FNDC3B: variants seen among roughly 807,000 people sequenced by gnomAD.
FNDC3B encodes fibronectin type III domain-containing protein 3B.
A neutral mutation model predicts 151.5 loss-of-function variants in FNDC3B; 12 were observed. The observed-to-expected ratio is 0.08, with a 90% CI of 0.05 to 0.13. FNDC3B has a LOEUF of 0.13. Ranked by LOEUF, FNDC3B falls within the 10% of genes least tolerant of loss-of-function variation. The probability of loss-of-function intolerance (pLI) is 1.00; values close to 1 mark genes in which losing one functional copy is unlikely to be tolerated. For synonymous variants in FNDC3B, 528 were observed against 549.0 expected (o/e 0.96, Z 0.54); for missense variants, 1,214 against 1,505.3 (o/e 0.81, Z 3.20).
intron 3 of FNDC3B, among the ~76,000 whole-genome samples, chr3:172,207,355 A>G (rs1560018247): frequency 6.6e-6 from 1 of 152,178 alleles, no homozygotes; most frequent in African/African-American, 2.4e-5. Context: ...TAAAAATACA[A>G]TGGGTATCAA....
At chr3:172,156,391 A>G (rs1722486014) in intron 3 of FNDC3B, among the ~76,000 whole-genome samples, 1 of 152,210 alleles carries the variant, frequency 6.6e-6, no homozygotes, top group African/African-American at 2.4e-5. Flanking sequence ...ATCGGCTCCA[A>G]GTGGCCATTC....
intron 7 of FNDC3B, among the ~76,000 whole-genome samples, chr3:172,288,911 G>A (rs1730167718): frequency 6.6e-6 from 1 of 152,226 alleles, no homozygotes; most frequent in African/African-American, 2.4e-5. Context: ...AGGCATATCA[G>A]ACAAGGGGAG....
At chr3:172,081,641 A>G (rs1718285023) in intron 1 of FNDC3B, among the ~76,000 whole-genome samples, 1 of 152,218 alleles carries the variant, frequency 6.6e-6, no homozygotes, top group Non-Finnish European at 1.5e-5. Context: ...AATATGCTGA[A>G]TACACTTTTG....
intron 3 of FNDC3B, among the ~76,000 whole-genome samples, chr3:172,200,598 G>A (rs1725097073): frequency 6.6e-6 from 1 of 152,216 alleles, no homozygotes; most frequent in Non-Finnish European, 1.5e-5. Context: ...GCTAATGTAA[G>A]TGTTCTGAGT....
intron 1 of FNDC3B, among the ~76,000 whole-genome samples, chr3:172,073,601 G>A (rs776794222): frequency 4.6e-5 from 7 of 152,170 alleles, no homozygotes; most frequent in Non-Finnish European, 7.4e-5. Context: ...GAAATAAAAG[G>A]TAGTTGTGAT....
At chr3:172,270,884 G>C (rs1729168241) in intron 6 of FNDC3B, among the ~76,000 whole-genome samples, 1 of 152,250 alleles carries the variant, frequency 6.6e-6, no homozygotes, top group African/African-American at 2.4e-5. Context: ...AGAGTTACCA[G>C]ATAGTTCATT....
chr3:172,341,628 A>AT (rs1179157099), intron 17 of FNDC3B, among the ~76,000 whole-genome samples: 3 of 152,238 alleles, frequency 2.0e-5, no homozygotes, highest in African/African-American at 7.2e-5. Flanking sequence ...ACATCTATCA[A>AT]TTTTAAGAAT....
intron 8 of FNDC3B, among the ~76,000 whole-genome samples, chr3:172,297,673 A>G (rs1042755833): frequency 2.6e-5 from 4 of 151,914 alleles, no homozygotes; most frequent in Non-Finnish European, 5.9e-5. Flanking sequence ...ACGGGGTTTC[A>G]CCGTGTTAGC....
intron 7 of FNDC3B, among the ~76,000 whole-genome samples, chr3:172,291,885 A>G (rs1576879921): frequency 6.6e-6 from 1 of 152,290 alleles, no homozygotes; most frequent in African/African-American, 2.4e-5. Flanking sequence ...TGTGAAGGTC[A>G]TATATGAGTG....
chr3:172,187,367 A>G (rs1479120512), intron 3 of FNDC3B: 1 of 152,216 alleles, frequency 6.6e-6, no homozygotes, highest in East Asian at 1.9e-4. Context: ...ATCTGTATTG[A>G]CCATGGCTGA....
chr3:172,383,503 G>A (rs1386240633), intron 25 of FNDC3B, among the ~76,000 whole-genome samples: 1 of 152,184 alleles, frequency 6.6e-6, no homozygotes, highest in Non-Finnish European at 1.5e-5. Context: ...CATAGGCCCT[G>A]GAGGCCTGTG....
chr3:172,062,564 G>A (rs781083104), intron 1 of FNDC3B, among the ~76,000 whole-genome samples: 1 of 152,060 alleles, frequency 6.6e-6, no homozygotes, highest in African/African-American at 2.4e-5. Context: ...GATTACAGGC[G>A]TGAGCCACCG....
intron 3 of FNDC3B, among the ~76,000 whole-genome samples, chr3:172,163,049 G>T (rs1722853462): frequency 6.6e-6 from 1 of 152,192 alleles, no homozygotes; most frequent in African/African-American, 2.4e-5. Flanking sequence ...GAGGCAGGAA[G>T]ATTGCTTGAA....
At chr3:172,096,630 A>G (rs57527290) in intron 1 of FNDC3B, among the ~76,000 whole-genome samples, 8,222 of 149,226 alleles carry the variant, frequency 0.055, 314 homozygotes, top group East Asian at 0.19. Flanking sequence ...TATCAAAAAT[A>G]AAAAAATAGG....
intron 3 of FNDC3B, among the ~76,000 whole-genome samples, chr3:172,181,340 G>A (rs1723878589): frequency 7.6e-6 from 1 of 130,970 alleles, no homozygotes; most frequent in Non-Finnish European, 1.5e-5. Flanking sequence ...GGTGCAGTGA[G>A]CTATGATTAC....
At chr3:172,386,468 C>T (rs991057215) in intron 25 of FNDC3B, among the ~76,000 whole-genome samples, 6 of 152,136 alleles carry the variant, frequency 3.9e-5, no homozygotes, top group African/African-American at 7.2e-5. Flanking sequence ...CTGGGCTGGG[C>T]GCGGTGGCTT....
chr3:172,243,038 T>C (rs1727580558), intron 4 of FNDC3B, among the ~76,000 whole-genome samples: 1 of 152,148 alleles, frequency 6.6e-6, no homozygotes, highest in African/African-American at 2.4e-5. Flanking sequence ...ATGCTGCCAC[T>C]CCCTTTGCTA....
chr3:172,240,748 G>C (rs1339404980), intron 4 of FNDC3B, among the ~76,000 whole-genome samples: 1 of 152,282 alleles, frequency 6.6e-6, no homozygotes, highest in East Asian at 1.9e-4. Context: ...TCAAGCAGCT[G>C]ACAGACCACA....
chr3:172,271,080 G>A (rs1305291128), intron 6 of FNDC3B, among the ~76,000 whole-genome samples: 2 of 152,142 alleles, frequency 1.3e-5, no homozygotes, highest in Non-Finnish European at 2.9e-5. Context: ...AACTGTCATC[G>A]TTGCTCTCTC....
Sources: gnomAD v4.1 joint callset for allele counts (sites outside exome capture counted in the v4.1 genomes callset) on GRCh38, gnomAD v4.1.1 for gene constraint, MANE v1.5 for transcripts, NCBI Gene and HGNC (gene_info 2026-07-23, HGNC 2026-07-21) for gene names.